The following SNX29 variants were observed in gnomAD, a reference collection of about 807,000 sequenced individuals.
SNX29 encodes sorting nexin 29, also known as sorting nexin-29.
SNX29 carries 78 observed loss-of-function variants against 102.1 expected under a neutral mutation model. The observed-to-expected ratio is 0.76, with a 90% CI of 0.64 to 0.92. SNX29 has a LOEUF of 0.92. SNX29 is among the 40% of genes least tolerant of loss of function. SNX29 has a pLI of 0.00. For missense variants in SNX29, 1,280 were observed against 1,061.7 expected (o/e 1.21, Z -2.86); for synonymous variants, 580 against 414.5 (o/e 1.40, Z -4.85).
Position 12,572,549 on chromosome 16 carries a change from C to T in SNX29, c.*3920C>T. 4 of 1,063,686 alleles carry T rather than the reference C, an allele frequency of 3.8e-6. No homozygotes were observed. Among genetic ancestry groups the T allele is most frequent in the South Asian group, 9.1e-5 (2 of 21,970 alleles). 65.9% of individuals were successfully genotyped at this position (1,063,686 alleles called of 1,614,324 possible). A position where few individuals can be genotyped will look rare whatever the true frequency, so the allele number is the denominator to read the frequency against. Reference sequence around the variant, plus strand: ...CCCCCACAGGGGGCTGCGACACCATCTGGCTCCTCACAGGGAGGTCCAGCC... The same window carrying T: ...CCCCCACAGGGGGCTGCGACACCATTTGGCTCCTCACAGGGAGGTCCAGCC... On this transcript the variant is annotated 3_prime_UTR_variant, in exon 21 of 21. Coordinates refer to ENST00000566228, the MANE Select transcript of SNX29 (RefSeq NM_032167.5).
intron 20 of SNX29, among the ~76,000 whole-genome samples, chr16:12,541,532 AGTT>A (rs1374933471): frequency 1.3e-5 from 2 of 152,058 alleles, no homozygotes; most frequent in African/African-American, 4.8e-5. Context: ...TTCAGCATGT[AGTT>A]GTTCATCAGC....
At chr16:12,521,996 G>A (rs1461040817) in intron 19 of SNX29, among the ~76,000 whole-genome samples, 3 of 152,194 alleles carry the variant, frequency 2.0e-5, no homozygotes, top group Non-Finnish European at 4.4e-5. Flanking sequence ...GTCCCCCACC[G>A]AGGCCGCTCA....
chr16:12,319,538 C>G (rs2080859254), intron 15 of SNX29, among the ~76,000 whole-genome samples: 1 of 152,158 alleles, frequency 6.6e-6, no homozygotes, highest in African/African-American at 2.4e-5. Flanking sequence ...TATAAAAATA[C>G]AGTGTTTCCA....
Position 12,019,483 on chromosome 16 carries a change from G to A in SNX29, c.123-7837G>A, listed in dbSNP as rs556712395. Reference sequence around the variant, plus strand: ...GCCTCCCAAAGTGCTGGGATTACAAGAGTGAGCCACCGCGCCTGGCAACTA... The same window carrying A: ...GCCTCCCAAAGTGCTGGGATTACAAAAGTGAGCCACCGCGCCTGGCAACTA... On this transcript the variant is annotated intron_variant, in intron 3 of 20. Coordinates refer to ENST00000566228, the MANE Select transcript of SNX29 (RefSeq NM_032167.5). Among the ~76,000 whole-genome samples the A allele has an allele frequency of 7.0e-4, 106 of 152,110 alleles. 1 individual carries two copies. The Middle Eastern group carries it at 0.014, about 20-fold the overall frequency.
chr16:12,088,100 C>T (rs1383079641), intron 11 of SNX29: 3 of 456,542 alleles, frequency 6.6e-6, no homozygotes, highest in South Asian at 4.6e-5. Flanking sequence ...CCACACAGGT[C>T]CTGCCGTGGG....
At chr16:12,348,883 G>A (rs1295786195) in intron 15 of SNX29, among the ~76,000 whole-genome samples, 1 of 151,860 alleles carries the variant, frequency 6.6e-6, no homozygotes, top group African/African-American at 2.4e-5. Flanking sequence ...GTACTGCTCG[G>A]AGAGGAAGTG....
intron 11 of SNX29, among the ~76,000 whole-genome samples, chr16:12,097,608 C>T (rs79076988): frequency 0.05 from 7,548 of 152,080 alleles, 282 homozygotes; most frequent in Middle Eastern, 0.088. Context: ...TCCTCCTGAC[C>T]TCCCTAACAG....
At chr16:12,376,730 C>CT (rs1466551463) in intron 16 of SNX29, among the ~76,000 whole-genome samples, 1 of 90,594 alleles carries the variant, frequency 1.1e-5, no homozygotes, top group Non-Finnish European at 2.1e-5. Flanking sequence ...AACCAAGACT[C>CT]TGTCTCAAAA....
intron 14 of SNX29, among the ~76,000 whole-genome samples, chr16:12,260,308 T>G (rs1232312735): frequency 2.0e-5 from 3 of 152,206 alleles, no homozygotes; most frequent in African/African-American, 4.8e-5. Flanking sequence ...AGGGATACAT[T>G]CTGGATTTCC....
intron 3 of SNX29, among the ~76,000 whole-genome samples, chr16:12,023,802 T>A (rs1440817259): frequency 6.6e-6 from 1 of 152,192 alleles, no homozygotes; most frequent in Non-Finnish European, 1.5e-5. Context: ...AGTAGATTCC[T>A]GTGCTTGGAC....
Position 12,096,049 on chromosome 16 carries a change from A to G in SNX29, c.1402+17134A>G, listed in dbSNP as rs1201713461. The stretch of plus-strand genomic sequence containing the variant: ...CCCGCAGCCAGCTGCTTGCTTGGCT[A>G]AGGGCTTCATGATAAAATTTTAGGA... On this transcript the variant is annotated intron_variant, in intron 11 of 20. Transcript: ENST00000566228. The surrounding 1 kb of genome is among the most constrained non-coding windows in gnomAD (Gnocchi z 4.2). 6.6e-6 allele frequency among the ~76,000 whole-genome samples: 1 copy of G among 152,244 alleles called. No individual in the cohort carries two copies. Among genetic ancestry groups the G allele is most frequent in the East Asian group, 1.9e-4 (1 of 5,202 alleles).
At chr16:12,108,807 A>C (rs921260117) in intron 11 of SNX29, among the ~76,000 whole-genome samples, 1 of 152,132 alleles carries the variant, frequency 6.6e-6, no homozygotes, top group Non-Finnish European at 1.5e-5. Context: ...TCTGTTGCTT[A>C]TAACAGAGTA....
chr16:12,560,359 G>A lies in SNX29; in HGVS notation c.2319-8147G>A, dbSNP rs2078653644. Reference sequence around the variant, plus strand: ...CCGAAGGGGGATTTACATTCATCTGGTGACAGGTTGTGCGCTCAGTATTTT... The same window carrying A: ...CCGAAGGGGGATTTACATTCATCTGATGACAGGTTGTGCGCTCAGTATTTT... On this transcript the variant is annotated intron_variant, in intron 20 of 20. Coordinates refer to ENST00000566228, the MANE Select transcript of SNX29 (RefSeq NM_032167.5). Among the ~76,000 whole-genome samples, 3 of 152,126 alleles carry A rather than the reference G, an allele frequency of 2.0e-5. No individual in the cohort carries two copies. The South Asian group carries it at 6.2e-4, about 32-fold the overall frequency.
chr16:12,358,195 C>A (rs1437555073), intron 16 of SNX29, among the ~76,000 whole-genome samples: 9 of 116,554 alleles, frequency 7.7e-5, no homozygotes, highest in Middle Eastern at 4.9e-3. Flanking sequence ...ATTTATTAAC[C>A]CCCTGTTTGT....
At chr16:12,504,644 A>G (rs370356551) in intron 19 of SNX29, among the ~76,000 whole-genome samples, 127 of 152,356 alleles carry the variant, frequency 8.3e-4, no homozygotes, top group Middle Eastern at 3.4e-3. Context: ...AGATATTTTG[A>G]GAGAGAGACC....
intron 15 of SNX29, among the ~76,000 whole-genome samples, chr16:12,315,849 A>G (rs1178625471): frequency 6.6e-6 from 1 of 152,218 alleles, no homozygotes; most frequent in African/African-American, 2.4e-5. Flanking sequence ...CCCCTGCTCT[A>G]TAGGACTGTC....
At chr16:12,203,990 A>G (rs77679017) in intron 14 of SNX29, among the ~76,000 whole-genome samples, 9,109 of 152,102 alleles carry the variant, frequency 0.06, 383 homozygotes, top group East Asian at 0.16. Flanking sequence ...TTGGCCTGGC[A>G]CCTTACCTGG....
intron 11 of SNX29, among the ~76,000 whole-genome samples, chr16:12,120,764 G>C (rs1204069376): frequency 2.0e-5 from 3 of 152,188 alleles, no homozygotes; most frequent in Non-Finnish European, 4.4e-5. Context: ...GCCGAGAAAG[G>C]AGGGGAACGG....
At chr16:12,550,214 T>C (rs959405602) in intron 20 of SNX29, among the ~76,000 whole-genome samples, 1 of 152,104 alleles carries the variant, frequency 6.6e-6, no homozygotes, top group Non-Finnish European at 1.5e-5. Flanking sequence ...CATGGAAGAG[T>C]ACCACACAAT....
Sources: gnomAD v4.1 joint callset for allele counts (sites outside exome capture counted in the v4.1 genomes callset) on GRCh38, gnomAD v4.1.1 for gene constraint, Gnocchi (gnomAD v3.1) non-coding constraint, MANE v1.5 for transcripts, NCBI Gene and HGNC (gene_info 2026-07-23, HGNC 2026-07-21) for gene names.